Variants in KIF7 observed in about 807,000 individuals in gnomAD.
The protein encoded by KIF7 is kinesin family member 7.
KIF7 carries 104 observed loss-of-function variants against 135.7 expected under a neutral mutation model. The ratio of observed to expected loss-of-function variants is 0.77; its 90% confidence interval spans 0.65 to 0.90. The LOEUF (loss-of-function observed/expected upper bound fraction) is 0.90, where lower values mean the gene tolerates loss of function less well. Ranked by LOEUF, KIF7 falls within the 40% of genes least tolerant of loss-of-function variation. The probability of loss-of-function intolerance (pLI) is 0.00; values close to 1 mark genes in which losing one functional copy is unlikely to be tolerated. For synonymous variants in KIF7, 883 were observed against 809.4 expected (o/e 1.09, Z -1.54); for missense variants, 2,005 against 1,839.1 (o/e 1.09, Z -1.65).
intron 1 of KIF7, among the ~76,000 whole-genome samples, chr15:89,619,075 A>T (rs938400674): frequency 1.3e-5 from 2 of 152,234 alleles, no homozygotes; most frequent in South Asian, 4.1e-4. Flanking sequence ...GAAGCCAAAA[A>T]TTTTAAAGCA....
In KIF7 at chr15:89,632,982, C is replaced by T. The variant is rs774408412; in HGVS notation, c.2733G>A (p.Gln911=). 7.2e-6 allele frequency: 10 copies of T among 1,381,446 alleles called. No homozygotes were observed. In the African/African-American group the frequency reaches 1.6e-4, roughly 23 times the overall value. 85.6% of individuals were successfully genotyped at this position (1,381,446 alleles called of 1,614,324 possible). Residue 911 remains glutamine (Q), a synonymous_variant, in exon 14 of 19, where the codon CAG becomes CAA. Transcript: ENST00000394412. The part of the protein sequence containing the change: ...SLEQQQKIEE[Q]KKWLDQEMEK... ...CCATCTCCTGGTCCAGCCACTTCTTCTGCTCCTCAATCTTCTAAGGAAAAG... is the reference window on the plus strand; with the variant it reads ...CCATCTCCTGGTCCAGCCACTTCTTTTGCTCCTCAATCTTCTAAGGAAAAG...
At position 89,646,879 on chromosome 15, in the gene KIF7, G is replaced by A. The variant is rs564412082; in HGVS notation, c.1739C>T (p.Pro580Leu). The A allele has an allele frequency of 2.7e-5, 44 of 1,614,046 alleles. No individual in the cohort carries two copies. Among genetic ancestry groups the A allele is most frequent in the East Asian group, 6.7e-5 (3 of 44,860 alleles). Residue 580 changes from proline to leucine, a missense_variant, in exon 7 of 19, where the codon CCG becomes CTG. Coordinates refer to ENST00000394412, the MANE Select transcript of KIF7 (RefSeq NM_198525.3). ...GAHAHVLGMV[P>L]PACLPGDEVG... Reference sequence around the variant, plus strand: ...TTCATCTCCAGGGAGGCAGGCAGGCGGCACCATGCCCAGCACATGGGCGTG... The same window carrying A: ...TTCATCTCCAGGGAGGCAGGCAGGCAGCACCATGCCCAGCACATGGGCGTG...
chr15:89,649,244 T>C lies in KIF7; in HGVS notation c.653A>G (p.His218Arg), dbSNP rs1305884128. ...THLNHLSSRS[H>R]TVFTVTLEQR... ...CTCCAGGGTCACGGTGAAGACCGTGTGTGAGCGGCTAGACAGGTGGTTGAG... is the reference window on the plus strand; with the variant it reads ...CTCCAGGGTCACGGTGAAGACCGTGCGTGAGCGGCTAGACAGGTGGTTGAG... Residue 218 changes from histidine (H) to arginine (R), a missense_variant, in exon 4 of 19, where the codon CAC becomes CGC. Coordinates refer to ENST00000394412, the MANE Select transcript of KIF7 (RefSeq NM_198525.3). The C allele has an allele frequency of 1.3e-6, 2 of 1,540,600 alleles. No homozygotes were observed. The highest frequency in any genetic ancestry group is 1.8e-6 in the Non-Finnish European group (2 of 1,140,828).
At chr15:89,618,689 G>A (rs964890698) in intron 1 of KIF7, among the ~76,000 whole-genome samples, 11 of 152,212 alleles carry the variant, frequency 7.2e-5, no homozygotes, top group African/African-American at 1.2e-4. Flanking sequence ...CAGCAGGTGT[G>A]GTGGTTCACG....
At chr15:89,647,933 TTAA>T (rs1354097643) in intron 5 of KIF7, among the ~76,000 whole-genome samples, 1 of 152,208 alleles carries the variant, frequency 6.6e-6, no homozygotes, top group Non-Finnish European at 1.5e-5. Flanking sequence ...CGTATTTGTA[TTAA>T]TAATATCACC....
chr15:89,630,766 C>G (rs1963656727), intron 15 of KIF7: 1 of 544,828 alleles, frequency 1.8e-6, no homozygotes, highest in African/African-American at 1.9e-5. Flanking sequence ...CCTAACCAAA[C>G]AAAAGGCATG....
intron 11 of KIF7, among the ~76,000 whole-genome samples, chr15:89,640,756 T>C (rs1243720914): frequency 6.7e-6 from 1 of 148,706 alleles, no homozygotes; most frequent in Non-Finnish European, 1.5e-5. Context: ...GAGGCCAAGA[T>C]AAGTGGATCA....
chr15:89,630,321 T>C lies in KIF7; in HGVS notation c.3284A>G (p.Glu1095Gly), dbSNP rs367627150. 1.9e-6 allele frequency: 3 copies of C among 1,614,126 alleles called. No individual in the cohort carries two copies. Among genetic ancestry groups the C allele is most frequent in the Non-Finnish European group, 2.5e-6 (3 of 1,180,018 alleles). ...ATACTTGCAGAGGAGGGCTCTGGTC[T>C]CTGAGGATGAGAGGTAGCTGAGCTT... ...MAKLSYLSSS[E>G]TRALLCKYFD... The change falls in exon 16 of 19, where the codon GAG (glutamate) becomes GGG (glycine). Residue 1095 changes from glutamate to glycine, a missense_variant. Coordinates refer to ENST00000394412, the MANE Select transcript of KIF7 (RefSeq NM_198525.3).
At position 89,633,718 on chromosome 15, in the gene KIF7, C is replaced by A. The variant is rs547299679; in HGVS notation, c.2560G>T (p.Ala854Ser). ...EETEQKRRLE[A>S]EMSKRQHRVK... ...CGGTGCTGCCGCTTGCTCATTTCTG[C>A]CTCCAGGCGCCGCTTCTGCTCCGTC... The change falls in exon 12 of 19, where the codon GCA becomes TCA. Residue 854 changes from alanine to serine, a missense_variant. Physicochemically the swap from Ala to Ser is moderately conservative, Grantham distance 99 (BLOSUM62 1). Transcript: ENST00000394412. 3.1e-6 allele frequency: 5 copies of A among 1,607,998 alleles called. No individual in the cohort carries two copies. In the East Asian group the frequency reaches 8.9e-5, roughly 29 times the overall value.
In KIF7 at chr15:89,632,933, C is replaced by T; in HGVS notation, c.2782G>A (p.Ala928Thr). 6.2e-7 allele frequency: 1 copy of T among 1,610,520 alleles called. No individual in the cohort carries two copies. ...AGCTCCTCCCCCAGCTCCTCCAGCG[C>T]CCGCCGCTGCTGTAGCACCTTCTCC... ...EMEKVLQQRR[A>T]LEELGEELHK... The change falls in exon 14 of 19, where the codon GCG (alanine) becomes ACG (threonine). Residue 928 changes from alanine to threonine, a missense_variant. By Grantham distance (58) the Ala-to-Thr change is moderately conservative. Transcript: ENST00000394412.
intron 1 of KIF7, among the ~76,000 whole-genome samples, chr15:89,618,699 G>A (rs1225395753): frequency 2.6e-5 from 4 of 152,194 alleles, no homozygotes; most frequent in Admixed American, 1.3e-4. Context: ...GGTGGTTCAC[G>A]CCTGTAATCC....
At chr15:89,642,668 C>T (rs1172396496) in intron 10 of KIF7, among the ~76,000 whole-genome samples, 1 of 152,238 alleles carries the variant, frequency 6.6e-6, no homozygotes, top group Non-Finnish European at 1.5e-5. Flanking sequence ...CTTCCAGATT[C>T]AAGTGATTCT....
chr15:89,649,742 A>G lies in KIF7; in HGVS notation c.528T>C (p.Val176=). The G allele has an allele frequency of 6.4e-7, 1 of 1,551,722 alleles. No individual in the cohort carries two copies. The highest frequency in any genetic ancestry group is 8.7e-7 in the Non-Finnish European group (1 of 1,146,948). The stretch of plus-strand genomic sequence containing the variant: ...GTGGAGGACCCCAGAGTTCCTCACC[A>G]ACATTCCCGCGCTCATCTTCCCGGA... ...IQLREDERGN[V]VLCGVKEVDV... Residue 176 remains valine, a splice_region_variant and synonymous_variant, in exon 3 of 19, where the codon GTT becomes GTC. Transcript: ENST00000394412.
At chr15:89,623,578 T>C, downstream of KIF7, 1 of 1,542,966 alleles carries the variant, frequency 6.5e-7, no homozygotes, top group East Asian at 2.3e-5. Context: ...TCAGAGATCA[T>C]GAGTTATAAT....
At chr15:89,629,876 G>T (rs1963634569) in intron 16 of KIF7, 1 of 538,778 alleles carries the variant, frequency 1.9e-6, no homozygotes, top group South Asian at 2.2e-5. Flanking sequence ...TCAGCACTAT[G>T]GACATCTGGG....
chr15:89,623,874 TGAAAC>T (rs1364020955), downstream of KIF7: 1 of 1,613,954 alleles, frequency 6.2e-7, no homozygotes, highest in Non-Finnish European at 8.5e-7. Context: ...GTACCTCTCT[TGAAAC>T]GAAGACACCA....
Position 89,645,913 on chromosome 15 carries a change from C to A in KIF7, c.1902G>T (p.Arg634Ser). ...CTCACCTGCGCAGGTGTAAGGTCCGCCTGGGCGGCTCCTCCTCCTCCTCTT... is the reference window on the plus strand; with the variant it reads ...CTCACCTGCGCAGGTGTAAGGTCCGACTGGGCGGCTCCTCCTCCTCCTCTT... ...EEEEEEEEPP[R>S]RTLHLRRNRI... The change falls in exon 8 of 19, where the codon AGG becomes AGT. Residue 634 changes from arginine to serine, a missense_variant. By Grantham distance (110) the Arg-to-Ser change is moderately radical. Transcript: ENST00000394412. 1 of 1,613,672 alleles carries A rather than the reference C, an allele frequency of 6.2e-7. No individual in the cohort carries two copies. Among genetic ancestry groups the A allele is most frequent in the South Asian group, 1.1e-5 (1 of 91,080 alleles).
chr15:89,633,265 T>C lies in KIF7; in HGVS notation c.2594A>G (p.Glu865Gly). 6.4e-7 allele frequency: 1 copy of C among 1,565,706 alleles called. No homozygotes were observed. Among genetic ancestry groups the C allele is most frequent in the South Asian group, 1.2e-5 (1 of 85,814 alleles). The change falls in exon 13 of 19, where the codon GAG becomes GGG. Residue 865 changes from glutamate to glycine, a missense_variant and splice_region_variant. By Grantham distance (98) the Glu-to-Gly change is moderately conservative. Coordinates refer to ENST00000394412, the MANE Select transcript of KIF7 (RefSeq NM_198525.3). ...CTGTTGCTCATGCTTCAGCTCCAGC[T>C]CCTGGGTGAGGAGCTCAGTGGGCAG... ...EMSKRQHRVK[E>G]LELKHEQQQK...
upstream of KIF7, among the ~76,000 whole-genome samples, chr15:89,659,757 C>A (rs77382841): frequency 0.014 from 2,097 of 152,224 alleles, 56 homozygotes; most frequent in African/African-American, 0.047. Context: ...GTGAGAATGT[C>A]AATCAGAGCA....
Sources: allele counts gnomAD v4.1 joint callset (sites outside exome capture counted in the v4.1 genomes callset), GRCh38; gene constraint gnomAD v4.1.1; transcripts MANE v1.5; gene names NCBI Gene and HGNC (gene_info 2026-07-23, HGNC 2026-07-21).